ULK4: variants seen among roughly 807,000 people sequenced by gnomAD.
ULK4 encodes the protein unc-51 like kinase 4.
Under a neutral mutation model 160.6 loss-of-function variants are expected in ULK4, and 133 were observed. The ratio of observed to expected loss-of-function variants is 0.83; its 90% confidence interval spans 0.72 to 0.96. The LOEUF is 0.96. Among genes scored for constraint, ULK4 ranks in the 40% least tolerant of loss-of-function variants. The pLI is 0.00. For missense variants in ULK4, 1,580 were observed against 1,499.5 expected, an observed-to-expected ratio of 1.05 and a Z score of -0.89; for synonymous variants, 534 against 539.8, an observed-to-expected ratio of 0.99 and a Z score of 0.15.
At chr3:41,807,582 C>A (rs867298171) in intron 19 of ULK4, among the ~76,000 whole-genome samples, 2 of 152,164 alleles carry the variant, frequency 1.3e-5, no homozygotes, top group African/African-American at 4.8e-5. Context: ...AAAACACAAG[C>A]GGTTTGAGAA....
intron 35 of ULK4, among the ~76,000 whole-genome samples, chr3:41,274,844 C>CT (rs1204196329): frequency 6.6e-6 from 1 of 152,088 alleles, no homozygotes; most frequent in African/African-American, 2.4e-5. Flanking sequence ...GATTCATGTA[C>CT]CAAGGACTTC....
chr3:41,396,196 C>G (rs917543101), intron 35 of ULK4, among the ~76,000 whole-genome samples: 1 of 151,926 alleles, frequency 6.6e-6, no homozygotes, highest in Admixed American at 6.6e-5. Flanking sequence ...TTTATTTACC[C>G]CTGCCTGGTG....
At chr3:41,814,016 G>T (rs2040893262) in intron 19 of ULK4, among the ~76,000 whole-genome samples, 1 of 152,178 alleles carries the variant, frequency 6.6e-6, no homozygotes, top group Non-Finnish European at 1.5e-5. Context: ...GAGTGGGGTA[G>T]ACCGCTGCCA....
At chr3:41,906,605 G>GAA (rs575007690) in intron 12 of ULK4, among the ~76,000 whole-genome samples, 1 of 144,252 alleles carries the variant, frequency 6.9e-6, no homozygotes, top group South Asian at 2.2e-4. Context: ...CTGATGACTG[G>GAA]AAAAAAAAAA....
At chr3:41,449,651 G>C (rs1267116454) in intron 34 of ULK4, among the ~76,000 whole-genome samples, 13 of 151,976 alleles carry the variant, frequency 8.6e-5, no homozygotes, top group African/African-American at 2.9e-4. Flanking sequence ...AGGAGAACAG[G>C]CAAGTACAAG....
At chr3:41,332,109 T>G (rs1240859698) in intron 35 of ULK4, among the ~76,000 whole-genome samples, 2 of 152,066 alleles carry the variant, frequency 1.3e-5, no homozygotes, top group Non-Finnish European at 2.9e-5. Flanking sequence ...AGTTCATGAC[T>G]CTTTCTTTAG....
At chr3:41,923,617 T>C (rs1358358439) in intron 5 of ULK4, among the ~76,000 whole-genome samples, 3 of 152,156 alleles carry the variant, frequency 2.0e-5, no homozygotes, top group African/African-American at 7.2e-5. Flanking sequence ...ATGAGAAGCA[T>C]GGCCTCAGAG....
At chr3:41,388,921 G>T (rs1408631999) in intron 35 of ULK4, among the ~76,000 whole-genome samples, 1 of 152,080 alleles carries the variant, frequency 6.6e-6, no homozygotes, top group East Asian at 1.9e-4. Flanking sequence ...GAAAGTCATT[G>T]GTAGCTTGAT....
At chr3:41,628,841 TTGACTC>T (rs1308868152) in intron 30 of ULK4, among the ~76,000 whole-genome samples, 5 of 152,328 alleles carry the variant, frequency 3.3e-5, no homozygotes, top group African/African-American at 7.2e-5. Context: ...TTGTACTACT[TTGACTC>T]TGTAAGGTTA....
At chr3:41,306,102 G>A (rs1405108940) in intron 35 of ULK4, among the ~76,000 whole-genome samples, 8 of 143,908 alleles carry the variant, frequency 5.6e-5, no homozygotes, top group African/African-American at 1.1e-4. Flanking sequence ...GTCTCCGCCC[G>A]GCCGCCACCC....
At chr3:41,529,380 G>C (rs941052032) in intron 32 of ULK4, among the ~76,000 whole-genome samples, 1 of 152,148 alleles carries the variant, frequency 6.6e-6, no homozygotes, top group Non-Finnish European at 1.5e-5. Context: ...AAATAGGGGC[G>C]ATTTGTTAAT....
chr3:41,409,278 T>A (rs1488788902), intron 34 of ULK4, among the ~76,000 whole-genome samples: 1 of 151,952 alleles, frequency 6.6e-6, no homozygotes. Context: ...AAATAATGTA[T>A]AAAACTTATA....
At chr3:41,582,124 T>G (rs377698335) in intron 31 of ULK4, among the ~76,000 whole-genome samples, 14 of 152,178 alleles carry the variant, frequency 9.2e-5, no homozygotes, top group African/African-American at 3.1e-4. Flanking sequence ...TGGGGGTAAT[T>G]TCCCCATACT....
At position 41,954,798 on chromosome 3, in the gene ULK4, T is replaced by C. The variant is rs779354243; in HGVS notation, c.-39A>G. ...TCTCACATACAATAGAATAACAGCATCTCTAGCTCCTAAGAAGTAAACAAA... is the reference window on the plus strand; with the variant it reads ...TCTCACATACAATAGAATAACAGCACCTCTAGCTCCTAAGAAGTAAACAAA... On this transcript the variant is annotated 5_prime_UTR_variant, in exon 2 of 37. The change abolishes an upstream ATG in the 5' untranslated region. Transcript: ENST00000301831. 1 of 1,569,456 alleles carries C rather than the reference T, an allele frequency of 6.4e-7. No individual in the cohort carries two copies. Among genetic ancestry groups the C allele is most frequent in the Non-Finnish European group, 8.6e-7 (1 of 1,159,198 alleles).
chr3:41,774,988 C>T (rs1454264760), intron 21 of ULK4, among the ~76,000 whole-genome samples: 4 of 147,910 alleles, frequency 2.7e-5, no homozygotes, highest in Admixed American at 6.7e-5. Flanking sequence ...AACCAAACAC[C>T]GCATGTTCTC....
intron 34 of ULK4, among the ~76,000 whole-genome samples, chr3:41,453,737 T>G (rs71331164): frequency 6.6e-6 from 1 of 152,254 alleles, no homozygotes; most frequent in East Asian, 1.9e-4. Context: ...ATTATTATTG[T>G]TATTGTTCAC....
At chr3:41,665,607 A>G (rs2035326622) in intron 29 of ULK4, among the ~76,000 whole-genome samples, 1 of 152,222 alleles carries the variant, frequency 6.6e-6, no homozygotes, top group South Asian at 2.1e-4. Context: ...TAAAACATAC[A>G]GTATAATCAA....
intron 31 of ULK4, among the ~76,000 whole-genome samples, chr3:41,577,299 T>A (rs764471384): frequency 9.9e-5 from 15 of 152,180 alleles, no homozygotes; most frequent in Non-Finnish European, 1.5e-4. Context: ...CTTGGAAGAA[T>A]CTTAGAGACT....
intron 21 of ULK4, among the ~76,000 whole-genome samples, chr3:41,772,039 T>G (rs2039402219): frequency 6.6e-6 from 1 of 151,772 alleles, no homozygotes; most frequent in Non-Finnish European, 1.5e-5. Flanking sequence ...CAGCTATTCT[T>G]TATACCAGAA....
Sources: gnomAD v4.1 joint callset for allele counts (sites outside exome capture counted in the v4.1 genomes callset) on GRCh38, gnomAD v4.1.1 for gene constraint, MANE v1.5 for transcripts, NCBI Gene and HGNC (gene_info 2026-07-23, HGNC 2026-07-21) for gene names.